The following CACHD1 variants were observed in gnomAD, a reference collection of about 807,000 sequenced individuals.
CACHD1 encodes cache domain containing 1.
In CACHD1, 71 loss-of-function variants were observed where a neutral mutation model predicts 138.7. That is an observed-to-expected ratio of 0.51 (90% CI 0.42 to 0.62). The LOEUF (loss-of-function observed/expected upper bound fraction) is 0.62. Ranked by LOEUF, CACHD1 falls within the 20% of genes least tolerant of loss-of-function variation. The probability of loss-of-function intolerance (pLI) is 0.00; values close to 1 mark genes in which losing one functional copy is unlikely to be tolerated. For missense variants in CACHD1, 1,389 were observed against 1,625.3 expected, an observed-to-expected ratio of 0.85 and a Z score of 2.50; for synonymous variants, 578 against 591.5, an observed-to-expected ratio of 0.98 and a Z score of 0.33.
chr1:64,622,069 T>C (rs1432963003), intron 4 of CACHD1, among the ~76,000 whole-genome samples: 2 of 152,136 alleles, frequency 1.3e-5, no homozygotes, highest in Non-Finnish European at 2.9e-5. Context: ...CCGAATTAAA[T>C]AGAAAATGCA....
intron 16 of CACHD1, among the ~76,000 whole-genome samples, chr1:64,668,146 G>C (rs1649695809): frequency 6.6e-6 from 1 of 151,966 alleles, no homozygotes; most frequent in South Asian, 2.1e-4. Flanking sequence ...GACCAACATG[G>C]TGAAACCCCG....
chr1:64,543,319 G>A (rs1646691483), intron 1 of CACHD1, among the ~76,000 whole-genome samples: 1 of 150,234 alleles, frequency 6.7e-6, no homozygotes, highest in Admixed American at 6.7e-5. Context: ...ACTTTGGGAG[G>A]CCAAGGTGGG....
intron 7 of CACHD1, among the ~76,000 whole-genome samples, chr1:64,635,507 C>T (rs1648494393): frequency 6.6e-6 from 1 of 151,006 alleles, no homozygotes; most frequent in Admixed American, 6.6e-5. Flanking sequence ...CCTCAGCCTC[C>T]TGAGTAGCTG....
intron 5 of CACHD1, among the ~76,000 whole-genome samples, chr1:64,631,541 G>C (rs868305109): frequency 2.6e-5 from 4 of 152,270 alleles, no homozygotes; most frequent in Middle Eastern, 3.4e-3. Context: ...TTGTGATTCA[G>C]CTGGCATCTA....
intron 2 of CACHD1, among the ~76,000 whole-genome samples, chr1:64,569,620 C>T (rs940353398): frequency 6.6e-6 from 1 of 152,124 alleles, no homozygotes; most frequent in Admixed American, 6.5e-5. Context: ...CTCTGGTGTG[C>T]CTCTCTCTGT....
intron 7 of CACHD1, among the ~76,000 whole-genome samples, chr1:64,634,857 A>G (rs1183872788): frequency 6.6e-6 from 1 of 151,866 alleles, no homozygotes; most frequent in Admixed American, 6.6e-5. Context: ...TTAGGCAGGC[A>G]TGGTGGTGGT....
chr1:64,673,507 A>G (rs201881314), intron 19 of CACHD1, 43 bp downstream of exon 19: 3 of 1,407,210 alleles, frequency 2.1e-6, no homozygotes, highest in East Asian at 2.3e-5. Flanking sequence ...TTTCCATCCC[A>G]TTATGGAACA....
chr1:64,520,276 A>G (rs1646488842), intron 1 of CACHD1, among the ~76,000 whole-genome samples: 1 of 152,212 alleles, frequency 6.6e-6, no homozygotes, highest in South Asian at 2.1e-4. Context: ...ATTTGAATAT[A>G]TGTTTAAGTT....
intron 2 of CACHD1, among the ~76,000 whole-genome samples, chr1:64,554,062 C>T (rs192088999): frequency 1.5e-4 from 23 of 152,242 alleles, no homozygotes; most frequent in Admixed American, 1.1e-3. Flanking sequence ...GACAGGTTCT[C>T]GCTCTGTTGC....
At chr1:64,493,121 T>C (rs1646287857) in intron 1 of CACHD1, among the ~76,000 whole-genome samples, 1 of 152,246 alleles carries the variant, frequency 6.6e-6, no homozygotes, top group Non-Finnish European at 1.5e-5. Context: ...ACGAAATGTC[T>C]CTAAAATCCG....
At chr1:64,577,361 T>A (rs1362962925) in intron 2 of CACHD1, among the ~76,000 whole-genome samples, 1 of 152,234 alleles carries the variant, frequency 6.6e-6, no homozygotes, top group Non-Finnish European at 1.5e-5. Flanking sequence ...AAAATCTAAT[T>A]CTTATTATAA....
At chr1:64,582,100 T>C in intron 2 of CACHD1, 56 bp from the exon 3 acceptor site, 4 of 1,575,118 alleles carry the variant, frequency 2.5e-6, no homozygotes, top group Non-Finnish European at 3.5e-6. Flanking sequence ...TAGAAAAAAA[T>C]ACAATGAGTT....
intron 1 of CACHD1, among the ~76,000 whole-genome samples, chr1:64,483,864 T>G (rs58358185): frequency 7.7e-6 from 1 of 130,536 alleles, no homozygotes; most frequent in African/African-American, 3.2e-5. Context: ...TCTTTTACCT[T>G]CCCCCCCCCC....
At chr1:64,562,246 C>A (rs567194569) in intron 2 of CACHD1, among the ~76,000 whole-genome samples, 22 of 152,158 alleles carry the variant, frequency 1.4e-4, no homozygotes, top group Admixed American at 5.2e-4. Flanking sequence ...AATATATTTT[C>A]TGTCTCATTA....
At chr1:64,631,085 A>G (rs1402385013) in intron 5 of CACHD1, among the ~76,000 whole-genome samples, 1 of 152,216 alleles carries the variant, frequency 6.6e-6, no homozygotes, top group Non-Finnish European at 1.5e-5. Flanking sequence ...TCATTCTATG[A>G]GGACTGCCCC....
intron 21 of CACHD1, among the ~76,000 whole-genome samples, 178 bp from the exon 22 acceptor site, chr1:64,676,717 T>C (rs924149069): frequency 1.6e-4 from 25 of 152,200 alleles, no homozygotes; most frequent in Non-Finnish European, 1.2e-4. Context: ...ACTTCTACTG[T>C]ATATAAAGAT....
chr1:64,662,825 TTTTG>T (rs1649486803), intron 13 of CACHD1, among the ~76,000 whole-genome samples: 1 of 152,228 alleles, frequency 6.6e-6, no homozygotes, highest in Non-Finnish European at 1.5e-5. Flanking sequence ...TTCTAGAAGC[TTTTG>T]TTTGTGTCAA....
chr1:64,664,135 A>G, intron 14 of CACHD1: 3 of 465,828 alleles, frequency 6.4e-6, no homozygotes, highest in Non-Finnish European at 1.1e-5. Context: ...TGTCTTACCC[A>G]GAGGAAGAAG....
intron 3 of CACHD1, among the ~76,000 whole-genome samples, chr1:64,586,365 G>C (rs1212236818): frequency 3.9e-5 from 6 of 152,168 alleles, no homozygotes; most frequent in Non-Finnish European, 8.8e-5. Context: ...TTGAGCGACT[G>C]CACCCAGCTG....
Sources: allele counts gnomAD v4.1 joint callset (sites outside exome capture counted in the v4.1 genomes callset), GRCh38; gene constraint gnomAD v4.1.1; transcripts MANE v1.5; gene names NCBI Gene and HGNC (gene_info 2026-07-23, HGNC 2026-07-21).